Variants in LPP observed in about 807,000 individuals in gnomAD.
LPP encodes the protein LIM domain containing preferred translocation partner in lipoma.
A neutral mutation model predicts 60.4 loss-of-function variants in LPP; 38 were observed. The observed-to-expected ratio is 0.63, with a 90% CI of 0.49 to 0.83. The LOEUF is 0.83. Ranked by LOEUF, LPP falls within the 40% of genes least tolerant of loss-of-function variation. LPP has a pLI of 0.00. For missense variants in LPP, 902 were observed against 783.6 expected (o/e 1.15, Z -1.80); for synonymous variants, 328 against 290.8 (o/e 1.13, Z -1.30).
chr3:188,479,295 A>G (rs1319319243), intron 4 of LPP, among the ~76,000 whole-genome samples: 16 of 152,220 alleles, frequency 1.1e-4, no homozygotes, highest in Admixed American at 1.0e-3. Context: ...TGGGAGAAGC[A>G]ATAGCTGCCA....
chr3:188,378,119 G>A lies in LPP; in HGVS notation c.-9-27993G>A, dbSNP rs541638448. ...TGTGAGGTGTCCGTCTGCCCCTACT[G>A]GGGGGTGCCTCCCAGTTAGGCTACT... On this transcript the variant is annotated intron_variant, in intron 3 of 11. Transcript: ENST00000617246. Among the ~76,000 whole-genome samples, 4 of 152,186 alleles carry A rather than the reference G, an allele frequency of 2.6e-5. No individual in the cohort carries two copies. In the South Asian group the frequency reaches 6.2e-4, roughly 24 times the overall value.
At chr3:188,347,603 C>G (rs150635078) in intron 3 of LPP, among the ~76,000 whole-genome samples, 7 of 152,124 alleles carry the variant, frequency 4.6e-5, no homozygotes, top group African/African-American at 1.4e-4. Context: ...GCCTACCCCC[C>G]CATTATATTG....
chr3:188,854,006 A>G (rs868004103), intron 9 of LPP, among the ~76,000 whole-genome samples: 5 of 152,020 alleles, frequency 3.3e-5, no homozygotes, highest in Non-Finnish European at 7.4e-5. Flanking sequence ...TCTGTCATCC[A>G]TCTGGTTCTC....
At chr3:188,512,740 G>GA (rs535928000) in intron 5 of LPP, among the ~76,000 whole-genome samples, 16 of 151,580 alleles carry the variant, frequency 1.1e-4, no homozygotes, top group South Asian at 2.1e-4. Flanking sequence ...AAGAGTTCAA[G>GA]AAAAAAAATA....
intron 2 of LPP, among the ~76,000 whole-genome samples, chr3:188,318,807 G>C (rs2150356723): frequency 7.5e-6 from 1 of 133,188 alleles, no homozygotes; most frequent in East Asian, 2.2e-4. Flanking sequence ...CGCCCAGGCT[G>C]GAGTGCAGTG....
intron 3 of LPP, among the ~76,000 whole-genome samples, chr3:188,351,589 G>T (rs977219441): frequency 1.1e-4 from 16 of 152,178 alleles, no homozygotes; most frequent in Non-Finnish European, 2.9e-5. Flanking sequence ...TGTGACAGGT[G>T]TTTTCACATA....
intron 6 of LPP, among the ~76,000 whole-genome samples, chr3:188,598,308 G>T (rs1840377671): frequency 1.3e-5 from 2 of 152,150 alleles, no homozygotes; most frequent in Non-Finnish European, 2.9e-5. Flanking sequence ...CTTAAAATTT[G>T]ATTTTAGAAT....
At chr3:188,242,026 G>T (rs547977819) in intron 2 of LPP, among the ~76,000 whole-genome samples, 65 of 152,264 alleles carry the variant, frequency 4.3e-4, no homozygotes, top group African/African-American at 1.4e-3. Flanking sequence ...AGGCCAAATC[G>T]CAGGGTGGAT....
rs1381676091 is a variant in LPP at position 188,765,860 on chromosome 3, TC to T, written c.1410+5579del. Among the ~76,000 whole-genome samples, 172 of 114,756 alleles carry T rather than the reference TC, an allele frequency of 1.5e-3. 5 individuals are homozygous for T. Among genetic ancestry groups the T allele is most frequent in the African/African-American group, 5.4e-3 (163 of 30,138 alleles). 75.3% of individuals were successfully genotyped at this position (114,756 alleles called of 152,430 possible). ...TGCAACGTGCAACTTAATGTTCAAC[TC>T]TTTTTTTTTTTTTTTTTTTTTTTTT... On this transcript the variant is annotated intron_variant, in intron 9 of 11. Transcript: ENST00000617246.
At chr3:188,323,094 G>C (rs903076560) in intron 2 of LPP, among the ~76,000 whole-genome samples, 6 of 152,158 alleles carry the variant, frequency 3.9e-5, no homozygotes, top group Non-Finnish European at 8.8e-5. Context: ...GACTAAAAGC[G>C]CTTGATGGAT....
intron 2 of LPP, among the ~76,000 whole-genome samples, chr3:188,249,958 C>A (rs1322876163): frequency 6.7e-6 from 1 of 150,270 alleles, no homozygotes; most frequent in Non-Finnish European, 1.5e-5. Flanking sequence ...TGCCTCTACC[C>A]CTAAGTACAG....
chr3:188,169,239 G>A (rs886576353), intron 1 of LPP, among the ~76,000 whole-genome samples: 1 of 152,216 alleles, frequency 6.6e-6, no homozygotes, highest in African/African-American at 2.4e-5. Flanking sequence ...CCCTAAGGAA[G>A]CTATAAAAGA....
chr3:188,394,016 T>A (rs770590383), intron 3 of LPP, among the ~76,000 whole-genome samples: 5 of 152,216 alleles, frequency 3.3e-5, no homozygotes, highest in Non-Finnish European at 7.3e-5. Context: ...TATTTATACT[T>A]GGGGTTTTGT....
At chr3:188,842,394 G>T (rs988784090) in intron 9 of LPP, among the ~76,000 whole-genome samples, 4 of 152,120 alleles carry the variant, frequency 2.6e-5, no homozygotes, top group Non-Finnish European at 5.9e-5. Context: ...CTATAGAGTT[G>T]TTTGAACTCC....
At chr3:188,853,445 A>G (rs1763130749) in intron 9 of LPP, among the ~76,000 whole-genome samples, 1 of 152,224 alleles carries the variant, frequency 6.6e-6, no homozygotes, top group African/African-American at 2.4e-5. Context: ...ATATAATTTG[A>G]TGTATGTAAC....
chr3:188,617,397 A>T (rs74563761), intron 7 of LPP, among the ~76,000 whole-genome samples: 1 of 152,174 alleles, frequency 6.6e-6, no homozygotes, highest in African/African-American at 2.4e-5. Context: ...GGAGGTCAGA[A>T]GTAAGTGACC....
chr3:188,711,673 C>G (rs1711554907), intron 8 of LPP: 1 of 151,812 alleles, frequency 6.6e-6, no homozygotes, highest in Non-Finnish European at 1.5e-5. Context: ...GGCTGCTCTG[C>G]TAGGTGGTGG....
At chr3:188,374,055 C>T (rs1360136672) in intron 3 of LPP, among the ~76,000 whole-genome samples, 1 of 152,106 alleles carries the variant, frequency 6.6e-6, no homozygotes, top group Non-Finnish European at 1.5e-5. Context: ...CTGTTCTGTT[C>T]CATTGGCCTA....
chr3:188,318,753 CTTTT>C lies in LPP; in HGVS notation c.-66-22890_-66-22887del, dbSNP rs10708836. On this transcript the variant is annotated intron_variant, in intron 2 of 11. Transcript: ENST00000617246. ...AAAAAATTGAAAAAAAATTATGATT[CTTTT>C]TTTTTTTTTTTTTTTTTTTGAGACG... Among the ~76,000 whole-genome samples the C allele has an allele frequency of 4.6e-3, 443 of 96,812 alleles. 8 individuals carry two copies. The East Asian group carries it at 0.067, about 15-fold the overall frequency. The allele number at this position is 96,812 out of a possible 152,430, so 63.5% of individuals were successfully genotyped here.
Sources: allele counts gnomAD v4.1 joint callset (sites outside exome capture counted in the v4.1 genomes callset), GRCh38; gene constraint gnomAD v4.1.1; transcripts MANE v1.5; gene names NCBI Gene and HGNC (gene_info 2026-07-23, HGNC 2026-07-21).